Variants in DLG5 observed in about 807,000 individuals in gnomAD.
DLG5 encodes the protein discs large MAGUK scaffold protein 5.
Under a neutral mutation model 189.8 loss-of-function variants are expected in DLG5, and 48 were observed. The observed-to-expected ratio is 0.25, with a 90% CI of 0.20 to 0.32. DLG5 has a LOEUF of 0.32. Ranked by LOEUF, DLG5 falls within the 10% of genes least tolerant of loss-of-function variation. DLG5 has a pLI of 1.00. For missense variants in DLG5, 2,160 were observed against 2,544.7 expected (o/e 0.85, Z 3.25); for synonymous variants, 1,016 against 1,054.1 (o/e 0.96, Z 0.70).
chr10:77,814,461 T>G (rs868572882), intron 20 of DLG5, among the ~76,000 whole-genome samples: 1 of 70,700 alleles, frequency 1.4e-5, no homozygotes, highest in Admixed American at 2.0e-4. Context: ...TAAAGCATGT[T>G]TATATATATA....
rs531531650 is a variant in DLG5, at chr10:77,893,068, C to A, written c.305-23871G>T. On this transcript the variant is annotated intron_variant, in intron 1 of 31. Coordinates refer to ENST00000372391, the MANE Select transcript of DLG5 (RefSeq NM_004747.4). ...TGCCTCTGGCATTGGCATTGGCGTG[C>A]TAGCCATTTGACCACCAGAGCAGCC... Among the ~76,000 whole-genome samples, 11 of 152,240 alleles carry A rather than the reference C, an allele frequency of 7.2e-5. No homozygotes were observed. The South Asian group carries it at 1.9e-3, about 26-fold the overall frequency.
At chr10:77,867,761 C>A (rs1051245877) in intron 2 of DLG5, among the ~76,000 whole-genome samples, 1 of 152,176 alleles carries the variant, frequency 6.6e-6, no homozygotes, top group Non-Finnish European at 1.5e-5. Flanking sequence ...CTTTCCGAGG[C>A]GCATTTGCAT....
At chr10:77,938,561 G>A in the DLG5 span, among the ~76,000 whole-genome samples, 1 of 152,162 alleles carries the variant, frequency 6.6e-6, no homozygotes, top group Non-Finnish European at 1.5e-5. Flanking sequence ...CCATTTTTCA[G>A]TCTAGACCAG....
At chr10:77,895,893 C>T (rs899929835) in intron 1 of DLG5, among the ~76,000 whole-genome samples, 2 of 152,156 alleles carry the variant, frequency 1.3e-5, no homozygotes, top group African/African-American at 2.4e-5. Context: ...GGTTATTTGA[C>T]ATAAAACAGA....
In DLG5 at chr10:77,827,951, A is replaced by C. The variant is rs868209945; in HGVS notation, c.2289+931T>G. Among the ~76,000 whole-genome samples, 21 of 152,172 alleles carry C rather than the reference A, an allele frequency of 1.4e-4. 1 individual carries two copies. Among genetic ancestry groups the C allele is most frequent in the Non-Finnish European group, 1.3e-4 (9 of 68,034 alleles). On this transcript the variant is annotated intron_variant, in intron 13 of 31. Coordinates refer to ENST00000372391, the MANE Select transcript of DLG5 (RefSeq NM_004747.4). ...CTAAATGGGGGCAGGGACAATCTCT[A>C]GGAGCAGGATTAAAGGGGGAAGAAA...
At chr10:77,917,383 G>A (rs1258289467) in intron 1 of DLG5, among the ~76,000 whole-genome samples, 1 of 151,910 alleles carries the variant, frequency 6.6e-6, no homozygotes, top group Admixed American at 6.6e-5. Flanking sequence ...GGGTGTGGTG[G>A]CATGTGCCTA....
At chr10:77,921,971 A>T (rs1252749031) in intron 1 of DLG5, among the ~76,000 whole-genome samples, 1 of 152,228 alleles carries the variant, frequency 6.6e-6, no homozygotes, top group Non-Finnish European at 1.5e-5. Flanking sequence ...AATGAGAGCC[A>T]CTAAAGGTGA....
chr10:77,844,257 T>C (rs1018763913), intron 5 of DLG5, among the ~76,000 whole-genome samples: 1 of 152,058 alleles, frequency 6.6e-6, no homozygotes, highest in African/African-American at 2.4e-5. Context: ...TTCTTGTGTG[T>C]TGTTGTGATT....
intron 31 of DLG5, chr10:77,792,961 T>G: frequency 4.9e-6 from 1 of 202,182 alleles, no homozygotes; most frequent in Non-Finnish European, 1.0e-5. Context: ...AGCCCTGTAC[T>G]ATAGGAGTTT....
chr10:77,872,070 T>C (rs1397324164), intron 1 of DLG5, among the ~76,000 whole-genome samples: 1 of 152,174 alleles, frequency 6.6e-6, no homozygotes. Flanking sequence ...TGGTGGATTG[T>C]TTTTGGAAGA....
At chr10:77,909,317 G>A (rs1396060725) in intron 1 of DLG5, among the ~76,000 whole-genome samples, 1 of 152,104 alleles carries the variant, frequency 6.6e-6, no homozygotes, top group African/African-American at 2.4e-5. Context: ...GAGAACACAT[G>A]GACACAAGGA....
intron 1 of DLG5, among the ~76,000 whole-genome samples, chr10:77,884,745 C>T (rs991780340): frequency 6.6e-5 from 10 of 152,256 alleles, no homozygotes; most frequent in Admixed American, 6.5e-4. Context: ...ATCAGAGGCG[C>T]TCTGGGCAGC....
In DLG5 at chr10:77,817,310, C is replaced by T. The variant is rs368331233; in HGVS notation, c.3785-214G>A. 2.8e-4 allele frequency among the ~76,000 whole-genome samples: 42 copies of T among 152,300 alleles called. No homozygotes were observed. The South Asian group carries it at 7.5e-3, about 27-fold the overall frequency. On this transcript the variant is annotated intron_variant, in intron 18 of 31. Coordinates refer to ENST00000372391, the MANE Select transcript of DLG5 (RefSeq NM_004747.4). The stretch of plus-strand genomic sequence containing the variant: ...GGCCCAGACTGCTCCAGAACAGGAG[C>T]GCACAAGTCTCACTTCCAGCCACGG...
chr10:77,873,041 A>G (rs1844968456), intron 1 of DLG5, among the ~76,000 whole-genome samples: 1 of 151,418 alleles, frequency 6.6e-6, no homozygotes, highest in African/African-American at 2.4e-5. Context: ...GCACACACAC[A>G]CACACACACA....
intron 5 of DLG5, among the ~76,000 whole-genome samples, chr10:77,849,790 T>C (rs7080321): frequency 0.045 from 6,871 of 152,328 alleles, 289 homozygotes; most frequent in East Asian, 0.25. Context: ...GCTGAGCAGG[T>C]GCTCAAGAAA....
At chr10:77,929,826 G>C (rs1262110931), upstream of DLG5, 1 of 152,256 alleles carries the variant, frequency 6.6e-6, no homozygotes, top group Non-Finnish European at 1.5e-5. Context: ...CTGCAGTGGA[G>C]TCAGTGGTTC....
At chr10:77,806,706 T>TGG (rs1841489819) in intron 26 of DLG5, 52 bp downstream of exon 26, 1 of 1,472,154 alleles carries the variant, frequency 6.8e-7, no homozygotes, top group African/African-American at 1.4e-5. Flanking sequence ...CCATGGCTGG[T>TGG]GGCCCTCGGC....
rs1272809109 is a variant in DLG5 at position 77,792,254 on chromosome 10, C to A, written c.*186G>T. ...GTGTGACACGGGCAGAGTGTGTGGGCCTGGGCCTGGATCGCACGCAGCCGT... is the reference window on the plus strand; with the variant it reads ...GTGTGACACGGGCAGAGTGTGTGGGACTGGGCCTGGATCGCACGCAGCCGT... On this transcript the variant is annotated 3_prime_UTR_variant, in exon 32 of 32. Transcript: ENST00000372391. 8.0e-6 allele frequency: 5 copies of A among 623,628 alleles called. No individual in the cohort carries two copies. Among genetic ancestry groups the A allele is most frequent in the Non-Finnish European group, 1.4e-5 (5 of 352,198 alleles). The allele number at this position is 623,628 out of a possible 1,614,324, so 38.6% of individuals were successfully genotyped here.
rs778469652 is a variant in DLG5 at position 77,807,842 on chromosome 10, C to T, written c.4750G>A (p.Glu1584Lys). 3.7e-6 allele frequency: 6 copies of T among 1,614,092 alleles called. No individual in the cohort carries two copies. Among genetic ancestry groups the T allele is most frequent in the South Asian group, 2.2e-5 (2 of 91,092 alleles). ...GGCAGGCCCTTGGCCTTCGTGAACT[C>T]CTCAGGGCGGTACTGCACCTTCAGG... is the stretch of plus-strand genomic sequence containing the variant. ...VRLKVQYRPE[E>K]FTKAKGLPGD... is the part of the protein sequence containing the mutation. The change falls in exon 25 of 32, where the codon GAG (glutamate) becomes AAG (lysine). Residue 1584 changes from glutamate to lysine, a missense_variant. By Grantham distance (56) the Glu-to-Lys change is moderately conservative. Coordinates refer to ENST00000372391, the MANE Select transcript of DLG5 (RefSeq NM_004747.4).
Sources: allele counts gnomAD v4.1 joint callset (sites outside exome capture counted in the v4.1 genomes callset), GRCh38; gene constraint gnomAD v4.1.1; transcripts MANE v1.5; gene names NCBI Gene and HGNC (gene_info 2026-07-23, HGNC 2026-07-21).